Variants in NAALAD2 observed in about 807,000 individuals in gnomAD.
NAALAD2 encodes the protein N-acetylated alpha-linked acidic dipeptidase 2.
In NAALAD2, 89 loss-of-function variants were observed where a neutral mutation model predicts 95.6. The ratio of observed to expected loss-of-function variants is 0.93; its 90% CI spans 0.78 to 1.11. The LOEUF (loss-of-function observed/expected upper bound fraction) is 1.11. Among genes scored for constraint, NAALAD2 ranks in the 50% least tolerant of loss-of-function variants. The pLI, the probability that NAALAD2 is intolerant of heterozygous loss-of-function variation, is 0.00. For synonymous variants in NAALAD2, 264 were observed against 294.4 expected (o/e 0.90, Z 1.06); for missense variants, 894 against 872.4 (o/e 1.02, Z -0.31).
At chr11:90,173,390 A>G (rs568069042) in intron 13 of NAALAD2, among the ~76,000 whole-genome samples, 70 of 152,296 alleles carry the variant, frequency 4.6e-4, no homozygotes, top group South Asian at 1.0e-3. Context: ...TGTCACCTCT[A>G]TTGTTCTGAG....
chr11:90,166,835 CAAA>C (rs1242969059), intron 11 of NAALAD2, among the ~76,000 whole-genome samples: 5 of 64,692 alleles, frequency 7.7e-5, no homozygotes, highest in African/African-American at 6.4e-5. Context: ...ATTCTGTCTC[CAAA>C]AAAAAAAAAA....
At chr11:90,146,942 G>A (rs920064282) in intron 2 of NAALAD2, among the ~76,000 whole-genome samples, 13 of 152,062 alleles carry the variant, frequency 8.5e-5, no homozygotes, top group Admixed American at 8.5e-4. Flanking sequence ...AAACATGGAA[G>A]TGCCCAAGTG....
chr11:90,167,913 T>G (rs140045061), intron 11 of NAALAD2, among the ~76,000 whole-genome samples: 3,764 of 152,216 alleles, frequency 0.025, 148 homozygotes, highest in African/African-American at 0.084. Flanking sequence ...CAGCAGGATG[T>G]GGGTGGGGTC....
chr11:90,159,034 A>T lies in NAALAD2; in HGVS notation c.891-205A>T, dbSNP rs1590987266. 7.4e-6 allele frequency: 4 copies of T among 539,404 alleles called. No individual in the cohort carries two copies. In the East Asian group the frequency reaches 1.3e-4, roughly 18 times the overall value. The allele number at this position is 539,404 out of a possible 1,614,324, so 33.4% of individuals were successfully genotyped here. On this transcript the variant is annotated intron_variant, in intron 7 of 18. Coordinates refer to ENST00000534061, the MANE Select transcript of NAALAD2 (RefSeq NM_005467.4). The stretch of plus-strand genomic sequence containing the variant: ...TTCTCTTTGCTCTCATCACTAACAT[A>T]TTACGTATTTTACTTACTGATTTCA...
intron 18 of NAALAD2, among the ~76,000 whole-genome samples, chr11:90,191,147 C>G (rs1012156056): frequency 6.6e-6 from 1 of 151,978 alleles, no homozygotes; most frequent in African/African-American, 2.4e-5. Flanking sequence ...GTATTGGGAA[C>G]AACTGTCATT....
chr11:90,183,647 CA>C (rs1857033167), intron 18 of NAALAD2, among the ~76,000 whole-genome samples: 2 of 152,150 alleles, frequency 1.3e-5, no homozygotes, highest in Non-Finnish European at 2.9e-5. Flanking sequence ...AGTACCCATG[CA>C]ACCACTCTGG....
upstream of NAALAD2, among the ~76,000 whole-genome samples, chr11:90,133,904 G>A (rs1951394899): frequency 6.6e-6 from 1 of 152,110 alleles, no homozygotes; most frequent in Non-Finnish European, 1.5e-5. Flanking sequence ...TTAGAGAACA[G>A]CTTTATTCTG....
chr11:90,165,204 TTCA>T (rs1301377986), intron 11 of NAALAD2, among the ~76,000 whole-genome samples: 3 of 152,234 alleles, frequency 2.0e-5, no homozygotes, highest in Non-Finnish European at 2.9e-5. Flanking sequence ...CCACATTTTC[TTCA>T]TCAAGTCTGT....
intron 14 of NAALAD2, among the ~76,000 whole-genome samples, 155 bp downstream of exon 14, chr11:90,174,070 G>A (rs1471131732): frequency 3.9e-5 from 6 of 152,120 alleles, no homozygotes; most frequent in Non-Finnish European, 7.4e-5. Context: ...AGTAGCTCAC[G>A]CCTATAATCC....
intron 6 of NAALAD2, 21 bp downstream of exon 6, chr11:90,152,505 TCCA>T (rs1951916266): frequency 6.4e-7 from 1 of 1,565,658 alleles, no homozygotes; most frequent in South Asian, 1.2e-5. Context: ...AGCCTATCAG[TCCA>T]CCAATTTTGC....
Position 90,191,950 on chromosome 11 carries a change from G to A in NAALAD2, c.*203G>A, listed in dbSNP as rs1395179173. On this transcript the variant is annotated 3_prime_UTR_variant, in exon 19 of 19. Transcript: ENST00000534061. The stretch of plus-strand genomic sequence containing the variant: ...TATATTAGCAAAGTGTTAATCTAAT[G>A]AAGTAAAAAACTCCTGTGTGGCAGA... 6.1e-6 allele frequency: 2 copies of A among 330,572 alleles called. No individual in the cohort carries two copies. Among genetic ancestry groups the A allele is most frequent in the Admixed American group, 9.7e-5 (2 of 20,628 alleles). 20.5% of individuals were successfully genotyped at this position (330,572 alleles called of 1,614,324 possible).
intron 2 of NAALAD2, 81 bp from the exon 3 acceptor site, chr11:90,147,249 A>C (rs1679065261): frequency 9.3e-7 from 1 of 1,078,076 alleles, no homozygotes; most frequent in Non-Finnish European, 1.4e-6. Flanking sequence ...CCAATGCATA[A>C]GTAGTGCATT....
intron 16 of NAALAD2, among the ~76,000 whole-genome samples, chr11:90,180,433 A>C (rs1952927161): frequency 6.6e-6 from 1 of 152,104 alleles, no homozygotes. Flanking sequence ...TGGGACTAAG[A>C]AGGTTTTTAA....
Position 90,150,507 on chromosome 11 carries a change from C to T in NAALAD2, c.509C>T (p.Ala170Val). 1 of 1,609,832 alleles carries T rather than the reference C, an allele frequency of 6.2e-7. No homozygotes were observed. Among genetic ancestry groups the T allele is most frequent in the Non-Finnish European group, 8.5e-7 (1 of 1,177,344 alleles). The change falls in exon 5 of 19, where the codon GCT becomes GTT. Residue 170 changes from alanine to valine, a missense_variant. By Grantham distance (64) the Ala-to-Val change is moderately conservative. Transcript: ENST00000534061. Reference protein sequence around the residue: ...PEGDLVYVNYARTEDFFKLER... With the variant: ...PEGDLVYVNYVRTEDFFKLER... ...GGAGATCTTGTATATGTGAACTATG[C>T]TCGCACTGAAGACTTTTTCAAACTA...
At chr11:90,163,110 A>G (rs1952342572) in intron 9 of NAALAD2, 76 bp downstream of exon 9, 2 of 1,256,098 alleles carry the variant, frequency 1.6e-6, no homozygotes, top group Non-Finnish European at 1.1e-6. Context: ...TGTAGTCAAC[A>G]ATTGAAGTGG....
intron 2 of NAALAD2, among the ~76,000 whole-genome samples, chr11:90,145,773 T>C (rs187698040): frequency 1.3e-5 from 2 of 152,164 alleles, no homozygotes; most frequent in East Asian, 3.9e-4. Flanking sequence ...GATAAGACAT[T>C]GTGCAAAGGC....
intron 18 of NAALAD2, among the ~76,000 whole-genome samples, chr11:90,183,900 G>A (rs1857042713): frequency 6.6e-6 from 1 of 152,060 alleles, no homozygotes; most frequent in Admixed American, 6.6e-5. Context: ...TTTAAGTCAC[G>A]AAGCCTCTGT....
intron 13 of NAALAD2, among the ~76,000 whole-genome samples, chr11:90,170,768 G>C (rs980696462): frequency 6.6e-6 from 1 of 152,162 alleles, no homozygotes; most frequent in Admixed American, 6.5e-5. Context: ...AAGGGATGTA[G>C]AAGTAAGGGA....
chr11:90,166,259 G>A (rs577589124), intron 11 of NAALAD2, among the ~76,000 whole-genome samples: 1 of 152,130 alleles, frequency 6.6e-6, no homozygotes, highest in Admixed American at 6.5e-5. Flanking sequence ...CTGTCTGTGT[G>A]TTAGTTTTGC....
Sources: allele counts gnomAD v4.1 joint callset (sites outside exome capture counted in the v4.1 genomes callset), GRCh38; gene constraint gnomAD v4.1.1; transcripts MANE v1.5; gene names NCBI Gene and HGNC (gene_info 2026-07-23, HGNC 2026-07-21).